Variants in SATB1 observed in about 807,000 individuals in gnomAD.
SATB1 encodes SATB homeobox 1.
Under a neutral mutation model 86.9 loss-of-function variants are expected in SATB1, and 11 were observed. The ratio of observed to expected loss-of-function variants is 0.13; its 90% CI spans 0.08 to 0.21. SATB1 has a LOEUF of 0.21. SATB1 is among the 10% of genes least tolerant of loss of function. SATB1 has a pLI of 1.00. For synonymous variants in SATB1, 357 were observed against 357.2 expected, an observed-to-expected ratio of 1.00 and a Z score of 0.01; for missense variants, 551 against 937.6, an observed-to-expected ratio of 0.59 and a Z score of 5.39.
chr3:18,349,639 G>GCCTGCT lies in SATB1; in HGVS notation c.1817_1822dup (p.Gln607_Ala608insGluGln), dbSNP rs1559385746. The stretch of plus-strand genomic sequence containing the variant: ...CTGCTGTGGCTGTGGAGGCGGCGGT[G>GCCTGCT]CCTGCTGCTGCTGCTGCTGCTGTTG... On this transcript the variant is annotated inframe_insertion, in exon 11 of 11. Coordinates refer to ENST00000338745, the MANE Select transcript of SATB1 (RefSeq NM_002971.6). This position sits in a 1 kb window ranked among gnomAD's most constrained non-coding sequence, Gnocchi z 5.5. 6.2e-7 allele frequency: 1 copy of GCCTGCT among 1,611,912 alleles called. No individual in the cohort carries two copies.
rs755206160 is a variant in SATB1 at position 18,386,659 on chromosome 3, T to C, written c.1207-48A>G. The C allele has an allele frequency of 6.9e-6, 10 of 1,454,834 alleles. No homozygotes were observed. The highest frequency in any genetic ancestry group is 1.7e-5 in the Admixed American group (1 of 59,544). 90.1% of individuals were successfully genotyped at this position (1,454,834 alleles called of 1,614,324 possible). On this transcript the variant is annotated intron_variant, in intron 7 of 10. Coordinates refer to ENST00000338745, the MANE Select transcript of SATB1 (RefSeq NM_002971.6). This position sits in a 1 kb window ranked among gnomAD's most constrained non-coding sequence, Gnocchi z 4.5. Reference sequence around the variant, plus strand: ...GGTGAGCCTGCTGCCTTGCTTTGCCTGGCCAGCAGTGATCCTTCCCTTTTC... The same window carrying C: ...GGTGAGCCTGCTGCCTTGCTTTGCCCGGCCAGCAGTGATCCTTCCCTTTTC...
In SATB1 at chr3:18,349,376, G is replaced by A. The variant is rs756335404; in HGVS notation, c.2086C>T (p.Gln696Ter). 2 of 1,614,016 alleles carry A rather than the reference G, an allele frequency of 1.2e-6. No homozygotes were observed. The highest frequency in any genetic ancestry group is 1.3e-5 in the African/African-American group (1 of 74,898). ...CCGTGGTGCTTGAGATAGTACCGCT[G>A]GTTCTGAAAGAACTTGATGATGGTG... is the stretch of plus-strand genomic sequence containing the variant. ...KYTIIKFFQN[Q>*]RYYLKHHGKL... The change falls in exon 11 of 11, where the codon CAG becomes TAG. Residue 696 changes from glutamine (Q) to a stop codon, truncating the protein, a stop_gained. Transcript: ENST00000338745. LOFTEE classifies it high-confidence loss of function. This position sits in a 1 kb window ranked among gnomAD's most constrained non-coding sequence, Gnocchi z 5.5.
upstream of SATB1, among the ~76,000 whole-genome samples, chr3:18,430,306 A>C (rs949935212): frequency 1.6e-4 from 24 of 152,200 alleles, no homozygotes; most frequent in African/African-American, 5.8e-4. Flanking sequence ...GAGTCAAGAT[A>C]ATTTTCCATT....
rs1575072968 is a variant in SATB1, at chr3:18,350,017, A to G, written c.1780-335T>C. 3 of 288,500 alleles carry G rather than the reference A, an allele frequency of 1.0e-5. No individual in the cohort carries two copies. The East Asian group carries it at 1.9e-4, about 18-fold the overall frequency. The allele number at this position is 288,500 out of a possible 1,614,324, so 17.9% of individuals were successfully genotyped here. On this transcript the variant is annotated intron_variant, in intron 10 of 10. Coordinates refer to ENST00000338745, the MANE Select transcript of SATB1 (RefSeq NM_002971.6). ...GCATCAAAGGCGAAGACAGCACATCAAATTATGATGTAAATAATTAACAAA... is the reference window on the plus strand; with the variant it reads ...GCATCAAAGGCGAAGACAGCACATCGAATTATGATGTAAATAATTAACAAA...
At chr3:18,440,431 A>C (rs1699210687), upstream of SATB1, among the ~76,000 whole-genome samples, 1 of 152,228 alleles carries the variant, frequency 6.6e-6, no homozygotes, top group South Asian at 2.1e-4. Flanking sequence ...ATTATAGCAC[A>C]GGTAGATATT....
At chr3:18,365,882 T>C (rs570734343) in intron 9 of SATB1, among the ~76,000 whole-genome samples, 25 of 152,044 alleles carry the variant, frequency 1.6e-4, no homozygotes, top group Non-Finnish European at 1.8e-4. Flanking sequence ...TCTCCAAACA[T>C]AGAAGCAAAA....
intron 5 of SATB1, among the ~76,000 whole-genome samples, chr3:18,402,278 G>A (rs1697312140): frequency 6.6e-6 from 1 of 152,082 alleles, no homozygotes; most frequent in South Asian, 2.1e-4. Context: ...AGATTCATCA[G>A]ATGGGGAAAG....
chr3:18,381,990 T>C (rs1161466483), intron 8 of SATB1, among the ~76,000 whole-genome samples: 2 of 152,184 alleles, frequency 1.3e-5, no homozygotes, highest in African/African-American at 4.8e-5. Flanking sequence ...ATGCATTTTA[T>C]AACCACATAA....
At chr3:18,384,667 TATTTC>T (rs1326967290) in intron 8 of SATB1, among the ~76,000 whole-genome samples, 2 of 152,214 alleles carry the variant, frequency 1.3e-5, no homozygotes, top group Admixed American at 1.3e-4. Context: ...CAAATTATTT[TATTTC>T]ATTTCGTATA....
At chr3:18,437,420 T>C (rs1699100794) in intron 1 of SATB1, among the ~76,000 whole-genome samples, 2 of 152,136 alleles carry the variant, frequency 1.3e-5, no homozygotes, top group Admixed American at 6.5e-5. Flanking sequence ...CCATACATTC[T>C]AAAAGATTTT....
Position 18,423,751 on chromosome 3 carries a change from A to T in SATB1, c.-149T>A, listed in dbSNP as rs555120266. On this transcript the variant is annotated 5_prime_UTR_variant, in exon 1 of 11. Transcript: ENST00000338745. ...CCTTTTTTTTTTTAATTAAAAAAAAAAAAATAAAAAAGCAGCAGACCTGAA... is the reference window on the plus strand; with the variant it reads ...CCTTTTTTTTTTTAATTAAAAAAAATAAAATAAAAAAGCAGCAGACCTGAA... 4.7e-4 allele frequency: 72 copies of T among 151,696 alleles called. No homozygotes were observed. The highest frequency in any genetic ancestry group is 3.4e-3 in the Middle Eastern group (1 of 294). The allele number at this position is 151,696 out of a possible 1,614,324, so 9.4% of individuals were successfully genotyped here. A position where few individuals can be genotyped will look rare whatever the true frequency, so the allele number is the denominator to read the frequency against.
At chr3:18,371,520 G>A (rs1344169692) in intron 9 of SATB1, among the ~76,000 whole-genome samples, 2 of 152,062 alleles carry the variant, frequency 1.3e-5, no homozygotes, top group Non-Finnish European at 2.9e-5. Context: ...AGATACCATC[G>A]ATATTCTTGG....
intron 9 of SATB1, among the ~76,000 whole-genome samples, chr3:18,372,477 T>G (rs1695522577): frequency 1.3e-5 from 2 of 152,240 alleles, no homozygotes; most frequent in African/African-American, 2.4e-5. Flanking sequence ...TCTGTTCATT[T>G]TTTTAAAGGT....
chr3:18,396,613 C>T lies in SATB1; in HGVS notation c.751+566G>A, dbSNP rs564552283. Among the ~76,000 whole-genome samples the T allele has an allele frequency of 2.6e-4, 39 of 152,116 alleles. 2 individuals are homozygous for T. The South Asian group carries it at 7.7e-3, about 30-fold the overall frequency. On this transcript the variant is annotated intron_variant, in intron 6 of 10. Coordinates refer to ENST00000338745, the MANE Select transcript of SATB1 (RefSeq NM_002971.6). Reference sequence around the variant, plus strand: ...AGTTATGTGTTAAGATAGAATGCTACCTTGGAATTAAAAGTTCAGAAATGA... The same window carrying T: ...AGTTATGTGTTAAGATAGAATGCTATCTTGGAATTAAAAGTTCAGAAATGA...
chr3:18,414,767 G>A (rs1297837813), intron 5 of SATB1, among the ~76,000 whole-genome samples: 1 of 152,006 alleles, frequency 6.6e-6, no homozygotes, highest in Non-Finnish European at 1.5e-5. Context: ...CGTGGGAGTA[G>A]TACCACCTCG....
intron 9 of SATB1, among the ~76,000 whole-genome samples, chr3:18,359,439 T>G (rs749288712): frequency 6.6e-6 from 1 of 152,050 alleles, no homozygotes; most frequent in South Asian, 2.1e-4. Context: ...CTAAACCAGT[T>G]AGCAAAAAGA....
At chr3:18,431,469 A>G (rs1559465614) in intron 2 of SATB1, among the ~76,000 whole-genome samples, 1 of 152,170 alleles carries the variant, frequency 6.6e-6, no homozygotes, top group Non-Finnish European at 1.5e-5. Flanking sequence ...TCCCTTTGAC[A>G]GTCTTAGGAC....
At chr3:18,406,341 C>T (rs1045501538) in intron 5 of SATB1, among the ~76,000 whole-genome samples, 5 of 151,904 alleles carry the variant, frequency 3.3e-5, no homozygotes, top group South Asian at 4.1e-4. Context: ...TTAACATTTC[C>T]GTATTGGCAA....
At chr3:18,387,759 T>C (rs1331366672) in intron 7 of SATB1, among the ~76,000 whole-genome samples, 1 of 152,182 alleles carries the variant, frequency 6.6e-6, no homozygotes, top group Non-Finnish European at 1.5e-5. Context: ...AAATCTACTT[T>C]CCAATATCCT....
Sources: allele counts gnomAD v4.1 joint callset (sites outside exome capture counted in the v4.1 genomes callset), GRCh38; gene constraint gnomAD v4.1.1; non-coding constraint Gnocchi (gnomAD v3.1); transcripts MANE v1.5; gene names NCBI Gene and HGNC (gene_info 2026-07-23, HGNC 2026-07-21).